The following PRKAG2 variants were observed in gnomAD, a reference collection of about 807,000 sequenced individuals.
PRKAG2 encodes the protein protein kinase AMP-activated non-catalytic subunit gamma 2.
Under a neutral mutation model 69.6 loss-of-function variants are expected in PRKAG2, and 26 were observed. The observed-to-expected ratio is 0.37, with a 90% confidence interval of 0.27 to 0.52. The LOEUF (loss-of-function observed/expected upper bound fraction) is 0.52. Among genes scored for constraint, PRKAG2 ranks in the 20% least tolerant of loss-of-function variants. The pLI is 0.90. For synonymous variants in PRKAG2, 293 were observed against 285.0 expected, an observed-to-expected ratio of 1.03 and a Z score of -0.28; for missense variants, 557 against 740.0, an observed-to-expected ratio of 0.75 and a Z score of 2.87.
At chr7:151,687,026 A>G (rs946011353) in intron 3 of PRKAG2, among the ~76,000 whole-genome samples, 2 of 152,236 alleles carry the variant, frequency 1.3e-5, no homozygotes, top group East Asian at 3.8e-4. Flanking sequence ...TGTATACCCA[A>G]TAACATTCTG....
intron 3 of PRKAG2, among the ~76,000 whole-genome samples, chr7:151,740,435 G>A (rs1041654072): frequency 2.2e-5 from 3 of 139,372 alleles, no homozygotes; most frequent in Admixed American, 7.2e-5. Context: ...CCGAGTTACT[G>A]CACCAGTCCT....
chr7:151,563,681 G>A (rs1302094377), intron 14 of PRKAG2, among the ~76,000 whole-genome samples: 4 of 152,178 alleles, frequency 2.6e-5, no homozygotes, highest in Non-Finnish European at 5.9e-5. Context: ...TTGGATTCAA[G>A]GGATCCTCCT....
At chr7:151,697,863 G>A (rs1257142945) in intron 3 of PRKAG2, among the ~76,000 whole-genome samples, 1 of 152,218 alleles carries the variant, frequency 6.6e-6, no homozygotes, top group African/African-American at 2.4e-5. Flanking sequence ...AAGGACGGGT[G>A]TAACGGGTCA....
At chr7:151,720,942 C>T (rs1376317134) in intron 3 of PRKAG2, among the ~76,000 whole-genome samples, 25 of 107,090 alleles carry the variant, frequency 2.3e-4, no homozygotes, top group African/African-American at 5.3e-4. Flanking sequence ...AGGGATGGAG[C>T]GGGGTAATAA....
intron 1 of PRKAG2, among the ~76,000 whole-genome samples, chr7:151,815,934 ACG>A (rs2078626414): frequency 1.3e-5 from 2 of 152,322 alleles, no homozygotes; most frequent in South Asian, 2.1e-4. Context: ...GGCTTCTTCC[ACG>A]AGCCTGTGAC....
chr7:151,790,147 C>T (rs968429403), intron 1 of PRKAG2, among the ~76,000 whole-genome samples: 4 of 152,104 alleles, frequency 2.6e-5, no homozygotes, highest in African/African-American at 4.8e-5. Context: ...GCATGAAGCC[C>T]GGCCCATAGC....
At chr7:151,711,384 A>G (rs1362705191) in intron 3 of PRKAG2, among the ~76,000 whole-genome samples, 1 of 151,800 alleles carries the variant, frequency 6.6e-6, no homozygotes, top group East Asian at 1.9e-4. Flanking sequence ...GTGCTAGGCT[A>G]GAGTACTGAG....
At chr7:151,772,178 T>C (rs552941023) in intron 3 of PRKAG2, among the ~76,000 whole-genome samples, 11 of 152,324 alleles carry the variant, frequency 7.2e-5, no homozygotes, top group South Asian at 4.1e-4. Context: ...GCCTTTCTAC[T>C]AAGGTGAGTC....
chr7:151,602,564 T>C (rs542953221), intron 5 of PRKAG2, among the ~76,000 whole-genome samples: 1 of 152,344 alleles, frequency 6.6e-6, no homozygotes, highest in East Asian at 1.9e-4. Context: ...CAATGAACAT[T>C]GTATTTTGAA....
chr7:151,856,808 CA>C (rs1021038699), intron 1 of PRKAG2, among the ~76,000 whole-genome samples: 1 of 152,058 alleles, frequency 6.6e-6, no homozygotes, highest in Non-Finnish European at 1.5e-5. Context: ...AACTGGATCG[CA>C]AGGCAGGTGT....
rs538579583 is a variant in PRKAG2 at position 151,863,029 on chromosome 7, G to C, written c.114+13478C>G. Among the ~76,000 whole-genome samples, 139 of 147,070 alleles carry C rather than the reference G, an allele frequency of 9.5e-4. 1 individual carries two copies. Among genetic ancestry groups the C allele is most frequent in the African/African-American group, 3.3e-3 (134 of 40,746 alleles). On this transcript the variant is annotated intron_variant, in intron 1 of 15. Coordinates refer to ENST00000287878, the MANE Select transcript of PRKAG2 (RefSeq NM_016203.4). Reference sequence around the variant, plus strand: ...TGCTGGTAGACCCCAGGTGCAGGGGGCACTTGTAGGTCCTGGGGTGCAGGG... The same window carrying C: ...TGCTGGTAGACCCCAGGTGCAGGGGCCACTTGTAGGTCCTGGGGTGCAGGG...
chr7:151,855,564 CCA>C (rs1401402125), intron 1 of PRKAG2, among the ~76,000 whole-genome samples: 1 of 141,850 alleles, frequency 7.0e-6, no homozygotes, highest in Non-Finnish European at 1.5e-5. Context: ...ACGCCACCCT[CCA>C]CACACCACCC....
In PRKAG2 at chr7:151,775,815, G is replaced by A. The variant is rs563071869; in HGVS notation, c.466+5337C>T. 3.9e-5 allele frequency among the ~76,000 whole-genome samples: 6 copies of A among 152,254 alleles called. 1 individual carries two copies. The South Asian group carries it at 8.3e-4, about 21-fold the overall frequency. Reference sequence around the variant, plus strand: ...CAGTGGACACAGTGGCTTTCACGGGGCTGTTTCTTCCCAAGACCCTCCAGA... The same window carrying A: ...CAGTGGACACAGTGGCTTTCACGGGACTGTTTCTTCCCAAGACCCTCCAGA... On this transcript the variant is annotated intron_variant, in intron 3 of 15. Transcript: ENST00000287878.
intron 5 of PRKAG2, among the ~76,000 whole-genome samples, chr7:151,604,285 A>G (rs1816943851): frequency 1.3e-5 from 2 of 152,202 alleles, no homozygotes; most frequent in African/African-American, 4.8e-5. Flanking sequence ...GTGTTTCCCC[A>G]TCATCAACAT....
At chr7:151,560,738 A>G in intron 14 of PRKAG2, 121 bp from the exon 15 acceptor site, 1 of 1,300,560 alleles carries the variant, frequency 7.7e-7, no homozygotes, top group South Asian at 1.3e-5. Flanking sequence ...CCTGGGGAAT[A>G]GCAGTGAGAC....
chr7:151,574,324 C>CA (rs1374914168), intron 8 of PRKAG2, among the ~76,000 whole-genome samples: 1 of 152,108 alleles, frequency 6.6e-6, no homozygotes, highest in African/African-American at 2.4e-5. Context: ...AGATGAAGGA[C>CA]AAAAGTGGTT....
At chr7:151,631,662 T>A (rs1272443132) in intron 5 of PRKAG2, 1 of 456,688 alleles carries the variant, frequency 2.2e-6, no homozygotes, top group Non-Finnish European at 4.4e-6. Flanking sequence ...CAGGCGCAGA[T>A]AAGGGCACCA....
At chr7:151,827,154 A>C (rs1050146457) in intron 1 of PRKAG2, among the ~76,000 whole-genome samples, 16 of 151,814 alleles carry the variant, frequency 1.1e-4, no homozygotes, top group African/African-American at 3.4e-4. Flanking sequence ...AACCACAAAA[A>C]CCCCAATGCC....
chr7:151,648,613 T>C (rs1027816750), intron 4 of PRKAG2, among the ~76,000 whole-genome samples: 3 of 152,200 alleles, frequency 2.0e-5, no homozygotes, highest in African/African-American at 7.2e-5. Flanking sequence ...AACCAGGCTT[T>C]AGGGAATGAA....
Sources: gnomAD v4.1 joint callset for allele counts (sites outside exome capture counted in the v4.1 genomes callset) on GRCh38, gnomAD v4.1.1 for gene constraint, MANE v1.5 for transcripts, NCBI Gene and HGNC (gene_info 2026-07-23, HGNC 2026-07-21) for gene names.